The following GPD1L variants were observed in gnomAD, a reference collection of about 807,000 sequenced individuals.
The protein encoded by GPD1L is glycerol-3-phosphate dehydrogenase 1 like, also known as glycerol-3-phosphate dehydrogenase 1-like protein.
In GPD1L, 17 loss-of-function variants were observed where a neutral mutation model predicts 32.9. That is an observed-to-expected ratio of 0.52 (90% CI 0.35 to 0.78). The LOEUF is 0.78. GPD1L is among the 30% of genes least tolerant of loss of function. The pLI, the probability that GPD1L is intolerant of heterozygous loss-of-function variation, is 0.01. For synonymous variants in GPD1L, 187 were observed against 165.9 expected (o/e 1.13, Z -0.98); for missense variants, 361 against 447.8 (o/e 0.81, Z 1.75).
intron 1 of GPD1L, among the ~76,000 whole-genome samples, chr3:32,114,643 G>A (rs1334108514): frequency 6.6e-6 from 1 of 152,224 alleles, no homozygotes; most frequent in African/African-American, 2.4e-5. Flanking sequence ...ATTGTTTCCG[G>A]ACTTGGTTCC....
At chr3:32,111,698 A>G (rs1700248706) in intron 1 of GPD1L, among the ~76,000 whole-genome samples, 1 of 152,014 alleles carries the variant, frequency 6.6e-6, no homozygotes, top group Admixed American at 6.6e-5. Context: ...GGAGTTGCCT[A>G]TCTCTTGCCC....
chr3:32,142,384 TG>T (rs1436309443), intron 4 of GPD1L, among the ~76,000 whole-genome samples: 9 of 152,342 alleles, frequency 5.9e-5, no homozygotes, highest in African/African-American at 2.2e-4. Flanking sequence ...CCCAAAGTGC[TG>T]GGATTACAGA....
intron 7 of GPD1L, among the ~76,000 whole-genome samples, chr3:32,165,076 C>T (rs1210793781): frequency 1.3e-5 from 2 of 152,182 alleles, no homozygotes; most frequent in Non-Finnish European, 2.9e-5. Context: ...TGGTGGCACA[C>T]ACCTGTAATC....
At chr3:32,136,206 T>C (rs1700658122) in intron 2 of GPD1L, among the ~76,000 whole-genome samples, 2 of 152,212 alleles carry the variant, frequency 1.3e-5, no homozygotes, top group South Asian at 4.1e-4. Flanking sequence ...CCCCGTGGCG[T>C]AGGTTCTCCC....
At chr3:32,127,078 A>G (rs1402692598) in intron 1 of GPD1L, among the ~76,000 whole-genome samples, 1 of 152,208 alleles carries the variant, frequency 6.6e-6, no homozygotes, top group East Asian at 1.9e-4. Context: ...TCCAGGGATG[A>G]AAATAAATGT....
At chr3:32,141,912 G>GTACC (rs1379325650) in intron 4 of GPD1L, among the ~76,000 whole-genome samples, 1 of 152,168 alleles carries the variant, frequency 6.6e-6, no homozygotes, top group Non-Finnish European at 1.5e-5. Context: ...AGTGAGCATA[G>GTACC]TACCCCACAG....
At chr3:32,153,894 C>G (rs941219111) in intron 5 of GPD1L, among the ~76,000 whole-genome samples, 2 of 152,196 alleles carry the variant, frequency 1.3e-5, no homozygotes, top group Admixed American at 1.3e-4. Context: ...GGATGATTGC[C>G]TCTGAGTATT....
chr3:32,144,016 A>T (rs1700785478), intron 4 of GPD1L, among the ~76,000 whole-genome samples: 1 of 152,070 alleles, frequency 6.6e-6, no homozygotes, highest in African/African-American at 2.4e-5. Context: ...CACTATGTGC[A>T]GTGTGGGGTC....
chr3:32,130,269 T>G (rs1700566517), intron 2 of GPD1L, among the ~76,000 whole-genome samples: 1 of 151,366 alleles, frequency 6.6e-6, no homozygotes. Context: ...AGAACCCTGT[T>G]GTTGTCTGAT....
chr3:32,163,411 AC>A (rs930065078), intron 7 of GPD1L, among the ~76,000 whole-genome samples: 1 of 151,546 alleles, frequency 6.6e-6, no homozygotes, highest in African/African-American at 2.4e-5. Context: ...CTCGTGATCC[AC>A]CTGCCTCAAC....
chr3:32,167,162 G>C lies in GPD1L; in HGVS notation c.*1252G>C, dbSNP rs1329282356. 6.6e-6 allele frequency: 1 copy of C among 152,188 alleles called. No individual in the cohort carries two copies. Among genetic ancestry groups the C allele is most frequent in the African/African-American group, 2.4e-5 (1 of 41,424 alleles). The allele number at this position is 152,188 out of a possible 1,614,324, so 9.4% of individuals were successfully genotyped here. On this transcript the variant is annotated 3_prime_UTR_variant, in exon 8 of 8. Coordinates refer to ENST00000282541, the MANE Select transcript of GPD1L (RefSeq NM_015141.4). ...TAATTGTGTTCCCTAGGAAATGACT[G>C]TCCCAAGAGCCAGTGATTATTCCAG...
rs149202258 is a variant in GPD1L, at chr3:32,114,775, G to A, written c.47+8017G>A. Reference sequence around the variant, plus strand: ...TTCCTTCAGATGTTCAGATGTGTTCGGAGTTTCTTCCTTCCAGTGGGTTCG... The same window carrying A: ...TTCCTTCAGATGTTCAGATGTGTTCAGAGTTTCTTCCTTCCAGTGGGTTCG... On this transcript the variant is annotated intron_variant, in intron 1 of 7. Transcript: ENST00000282541. Among the ~76,000 whole-genome samples the A allele has an allele frequency of 4.7e-4, 72 of 152,262 alleles. No homozygotes were observed. In the East Asian group the frequency reaches 0.012, roughly 25 times the overall value.
At chr3:32,158,052 A>G (rs1701019268) in intron 5 of GPD1L, among the ~76,000 whole-genome samples, 1 of 152,222 alleles carries the variant, frequency 6.6e-6, no homozygotes, top group Non-Finnish European at 1.5e-5. Context: ...GATTGCCTGC[A>G]CGTAGTCACC....
chr3:32,146,838 C>T lies in GPD1L; in HGVS notation c.618+104C>T, dbSNP rs901090198. 8.2e-5 allele frequency: 64 copies of T among 780,256 alleles called. 1 individual carries two copies. In the Admixed American group the frequency reaches 1.0e-3, roughly 12 times the overall value. The allele number at this position is 780,256 out of a possible 1,614,324, so 48.3% of individuals were successfully genotyped here. A position where few individuals can be genotyped will look rare whatever the true frequency, so the allele number is the denominator to read the frequency against. ...TCTGTGTTCTGTGCACCCACATCAG[C>T]GAAGAATAGTGAATTGAGAGTCTTG... On this transcript the variant is annotated intron_variant, in intron 5 of 7. Transcript: ENST00000282541.
Position 32,106,631 on chromosome 3 carries a change from C to A in GPD1L, c.-81C>A. 2 of 1,334,490 alleles carry A rather than the reference C, an allele frequency of 1.5e-6. No homozygotes were observed. The highest frequency in any genetic ancestry group is 1.8e-5 in the South Asian group (1 of 54,648). 82.7% of individuals were successfully genotyped at this position (1,334,490 alleles called of 1,614,324 possible). A position where few individuals can be genotyped will look rare whatever the true frequency, so the allele number is the denominator to read the frequency against. ...GCGAAAGGGGCGGGGCCGCCGCCAGCCGCTGCGGGCAAGGCTGAACAGGCG... is the reference window on the plus strand; with the variant it reads ...GCGAAAGGGGCGGGGCCGCCGCCAGACGCTGCGGGCAAGGCTGAACAGGCG... On this transcript the variant is annotated 5_prime_UTR_variant, in exon 1 of 8. Coordinates refer to ENST00000282541, the MANE Select transcript of GPD1L (RefSeq NM_015141.4). The surrounding 1 kb of genome is among the most constrained non-coding windows in gnomAD (Gnocchi z 4.0).
At chr3:32,133,355 G>T (rs140405202) in intron 2 of GPD1L, among the ~76,000 whole-genome samples, 7 of 152,162 alleles carry the variant, frequency 4.6e-5, no homozygotes, top group African/African-American at 1.7e-4. Context: ...TCATTACTAT[G>T]ATGTTGCTAC....
At chr3:32,160,337 G>A (rs1575122967) in intron 7 of GPD1L, among the ~76,000 whole-genome samples, 1 of 49,460 alleles carries the variant, frequency 2.0e-5, no homozygotes, top group Non-Finnish European at 3.5e-5. Flanking sequence ...ATGGGTGGGT[G>A]GGATGGGATG....
chr3:32,115,058 G>C (rs1700307712), intron 1 of GPD1L, among the ~76,000 whole-genome samples: 1 of 152,224 alleles, frequency 6.6e-6, no homozygotes, highest in Non-Finnish European at 1.5e-5. Context: ...ACCTGAGCCG[G>C]TTGCCACCAC....
intron 5 of GPD1L, among the ~76,000 whole-genome samples, chr3:32,148,572 T>G (rs1700866519): frequency 6.6e-6 from 1 of 152,178 alleles, no homozygotes; most frequent in Non-Finnish European, 1.5e-5. Context: ...TAGCAATTAT[T>G]AACTCCAACC....
Sources: allele counts gnomAD v4.1 joint callset (sites outside exome capture counted in the v4.1 genomes callset), GRCh38; gene constraint gnomAD v4.1.1; non-coding constraint Gnocchi (gnomAD v3.1); transcripts MANE v1.5; gene names NCBI Gene and HGNC (gene_info 2026-07-23, HGNC 2026-07-21).